The following ZNF148 variants were observed in gnomAD, a reference collection of about 807,000 sequenced individuals.
The protein encoded by ZNF148 is Beta-Enolase Repressor Factor-1.
In ZNF148, 7 loss-of-function variants were observed where a neutral mutation model predicts 67.7. The observed-to-expected ratio is 0.10, with a 90% CI of 0.06 to 0.19. The LOEUF is 0.19. ZNF148 is among the 10% of genes least tolerant of loss of function. ZNF148 has a pLI of 1.00. For synonymous variants in ZNF148, 333 were observed against 330.7 expected (o/e 1.01, Z -0.08); for missense variants, 583 against 947.1 (o/e 0.62, Z 5.05).
intron 1 of ZNF148, among the ~76,000 whole-genome samples, 153 bp downstream of exon 1, chr3:125,374,949 C>T (rs900436170): frequency 6.6e-6 from 1 of 151,724 alleles, no homozygotes; most frequent in Non-Finnish European, 1.5e-5. Flanking sequence ...GCGTTTCCCT[C>T]GGCCTCGGCT....
At chr3:125,260,873 T>G (rs1437019614) in intron 7 of ZNF148, among the ~76,000 whole-genome samples, 1 of 152,174 alleles carries the variant, frequency 6.6e-6, no homozygotes, top group African/African-American at 2.4e-5. Flanking sequence ...AATCCTGAGC[T>G]TTTTTGCAAA....
At chr3:125,311,543 T>C (rs1013432337) in intron 4 of ZNF148, among the ~76,000 whole-genome samples, 2 of 152,198 alleles carry the variant, frequency 1.3e-5, no homozygotes, top group Admixed American at 1.3e-4. Context: ...CTGATAGTTG[T>C]ATGTAAATCT....
chr3:125,342,501 T>C (rs927051616), intron 1 of ZNF148, among the ~76,000 whole-genome samples: 3 of 151,544 alleles, frequency 2.0e-5, no homozygotes, highest in Admixed American at 6.6e-5. Flanking sequence ...TTGGAAAAAA[T>C]GCAACTGCCA....
At chr3:125,374,497 A>G (rs896777895) in intron 1 of ZNF148, among the ~76,000 whole-genome samples, 1 of 151,922 alleles carries the variant, frequency 6.6e-6, no homozygotes, top group African/African-American at 2.4e-5. Context: ...GTATCTGCAC[A>G]ATGAACACCC....
chr3:125,239,027 T>C (rs1300736637), intron 7 of ZNF148, among the ~76,000 whole-genome samples: 1 of 152,218 alleles, frequency 6.6e-6, no homozygotes, highest in African/African-American at 2.4e-5. Flanking sequence ...TGTGGAATGA[T>C]TCTGCTTATA....
intron 2 of ZNF148, among the ~76,000 whole-genome samples, chr3:125,326,783 C>T (rs1041779416): frequency 6.9e-6 from 1 of 144,930 alleles, no homozygotes; most frequent in Non-Finnish European, 1.5e-5. Flanking sequence ...TCTTTATATA[C>T]ATACATCAAG....
chr3:125,261,640 G>A (rs1208382628), intron 7 of ZNF148, among the ~76,000 whole-genome samples: 2 of 152,226 alleles, frequency 1.3e-5, no homozygotes, highest in East Asian at 1.9e-4. Flanking sequence ...AACGACATGA[G>A]GAGGACTGAT....
At chr3:125,248,791 A>G (rs923340078) in intron 7 of ZNF148, among the ~76,000 whole-genome samples, 1 of 152,226 alleles carries the variant, frequency 6.6e-6, no homozygotes, top group East Asian at 1.9e-4. Context: ...CAGACTCAGA[A>G]TTAGTGACAA....
chr3:125,311,052 A>G (rs925915626), intron 4 of ZNF148: 9 of 208,282 alleles, frequency 4.3e-5, no homozygotes, highest in South Asian at 9.3e-5. Context: ...ATGATGATAC[A>G]ATACCACCTA....
intron 2 of ZNF148, among the ~76,000 whole-genome samples, chr3:125,324,340 T>C (rs1267259896): frequency 6.6e-6 from 1 of 152,038 alleles, no homozygotes; most frequent in East Asian, 1.9e-4. Context: ...AAATTCAACA[T>C]AAAATTCTAG....
chr3:125,297,373 T>C (rs879764451), intron 4 of ZNF148, among the ~76,000 whole-genome samples: 14 of 152,110 alleles, frequency 9.2e-5, no homozygotes, highest in African/African-American at 3.4e-4. Flanking sequence ...ATCTTCACAA[T>C]GTTGGGACAG....
chr3:125,276,495 G>A (rs143125318), intron 7 of ZNF148, among the ~76,000 whole-genome samples: 18,175 of 151,794 alleles, frequency 0.12, 1,275 homozygotes, highest in Admixed American at 0.17. Context: ...GTGCAATGGC[G>A]CGATCTCGAC....
chr3:125,250,861 ATTGT>A (rs1275892812), intron 7 of ZNF148, among the ~76,000 whole-genome samples: 11 of 684 alleles, frequency 0.016, no homozygotes, highest in African/African-American at 0.077. Context: ...CCAGGAACAA[ATTGT>A]CTGCGTCTGC....
chr3:125,252,150 T>C (rs954239096), intron 7 of ZNF148, among the ~76,000 whole-genome samples: 1 of 152,210 alleles, frequency 6.6e-6, no homozygotes, highest in Non-Finnish European at 1.5e-5. Context: ...CTTTAACAGA[T>C]TTGTAGAAAT....
chr3:125,298,372 C>CACACACACAT (rs1050902396), intron 4 of ZNF148, among the ~76,000 whole-genome samples: 1 of 151,856 alleles, frequency 6.6e-6, no homozygotes, highest in African/African-American at 2.4e-5. Flanking sequence ...CACACACACA[C>CACACACACAT]ATGCTCCTTT....
At chr3:125,270,462 CA>C (rs1937674119) in intron 7 of ZNF148, among the ~76,000 whole-genome samples, 1 of 151,762 alleles carries the variant, frequency 6.6e-6, no homozygotes, top group South Asian at 2.1e-4. Context: ...AGTATTTTTC[CA>C]AAAGAATATG....
At chr3:125,338,074 A>C (rs1326733107) in intron 1 of ZNF148, among the ~76,000 whole-genome samples, 2 of 152,198 alleles carry the variant, frequency 1.3e-5, no homozygotes, top group Non-Finnish European at 2.9e-5. Flanking sequence ...ACTGCACTCC[A>C]GCCTGAGCAA....
chr3:125,233,669 T>C lies in ZNF148; in HGVS notation c.1057A>G (p.Thr353Ala), dbSNP rs1935955068. The change falls in exon 9 of 9, where the codon ACT (threonine) becomes GCT (alanine). Residue 353 changes from threonine (T) to alanine (A), a missense_variant. This residue lies in a region of ZNF148 where 78 missense variants were observed against 86.5 expected (regional missense o/e 0.90). Transcript: ENST00000360647. The surrounding 1 kb of genome is among the most constrained non-coding windows in gnomAD (Gnocchi z 5.1). Reference protein sequence around the residue: ...NDYLPLYSSSTKVKDEYMVAE... With the variant: ...NDYLPLYSSSAKVKDEYMVAE... Reference sequence around the variant, plus strand: ...ACCATATACTCATCTTTTACTTTAGTACTTGAAGAATAAAGAGGCAAGTAA... The same window carrying C: ...ACCATATACTCATCTTTTACTTTAGCACTTGAAGAATAAAGAGGCAAGTAA... 1 of 1,614,010 alleles carries C rather than the reference T, an allele frequency of 6.2e-7. No homozygotes were observed. The highest frequency in any genetic ancestry group is 8.5e-7 in the Non-Finnish European group (1 of 1,179,932).
intron 7 of ZNF148, among the ~76,000 whole-genome samples, chr3:125,246,822 T>C (rs891563818): frequency 6.6e-6 from 1 of 152,174 alleles, no homozygotes; most frequent in Non-Finnish European, 1.5e-5. Flanking sequence ...TGACAATTAC[T>C]AAAATAAATC....
Sources: gnomAD v4.1 joint callset for allele counts (sites outside exome capture counted in the v4.1 genomes callset) on GRCh38, gnomAD v4.1.1 for gene constraint, gnomAD v4.1.1 regional missense constraint, Gnocchi (gnomAD v3.1) non-coding constraint, MANE v1.5 for transcripts, NCBI Gene and HGNC (gene_info 2026-07-23, HGNC 2026-07-21) for gene names.